Variants in CLGN observed in about 807,000 individuals in gnomAD.
The protein encoded by CLGN is calmegin.
In CLGN, 62 loss-of-function variants were observed where a neutral mutation model predicts 79.1. That is an observed-to-expected ratio of 0.78 (90% CI 0.64 to 0.97). The LOEUF is 0.97. Among genes scored for constraint, CLGN ranks in the 50% least tolerant of loss-of-function variants. CLGN has a pLI of 0.00. For missense variants in CLGN, 647 were observed against 715.5 expected, an observed-to-expected ratio of 0.90 and a Z score of 1.09; for synonymous variants, 225 against 224.7, an observed-to-expected ratio of 1.00 and a Z score of -0.01.
chr4:140,391,927 A>G (rs1728780185), intron 13 of CLGN, among the ~76,000 whole-genome samples: 2 of 151,860 alleles, frequency 1.3e-5, no homozygotes, highest in Admixed American at 1.3e-4. Context: ...CTACACTCCC[A>G]GAGCCAAGAA....
chr4:140,393,850 T>G lies in CLGN; in HGVS notation c.1341A>C (p.Lys447Asn). 1 of 1,613,674 alleles carries G rather than the reference T, an allele frequency of 6.2e-7. No individual in the cohort carries two copies. The highest frequency in any genetic ancestry group is 8.5e-7 in the Non-Finnish European group (1 of 1,179,734). ...DHWAADGWRW[K>N]IMIANANKPG... ...CCTTATTAGCATTTGCTATCATTAT[T>G]TTCCATCTCCAACCATCTGCAGCCC... Residue 447 changes from lysine to asparagine, a missense_variant, in exon 11 of 15, where the codon AAA becomes AAC. Physicochemically the swap from Lys to Asn is moderately conservative, Grantham distance 94. Transcript: ENST00000325617.
At chr4:140,389,776 T>C (rs141979771) in intron 14 of CLGN, among the ~76,000 whole-genome samples, 93 of 151,942 alleles carry the variant, frequency 6.1e-4, no homozygotes, top group African/African-American at 2.2e-3. Flanking sequence ...GCAAACAGTA[T>C]GTGTACTGAT....
intron 5 of CLGN, among the ~76,000 whole-genome samples, chr4:140,405,179 A>ATTTTTTTTTTTTTTTTT (rs1040656727): frequency 9.0e-6 from 1 of 111,314 alleles, no homozygotes; most frequent in Non-Finnish European, 1.9e-5. Context: ...TTTTATTTTT[A>ATTTTTTTTTTTTTTTTT]TTTTTTTTTT....
In CLGN at chr4:140,409,803, C is replaced by A. The variant is rs377276817; in HGVS notation, c.277+34G>T. 5 of 1,411,976 alleles carry A rather than the reference C, an allele frequency of 3.5e-6. No individual in the cohort carries two copies. The African/African-American group carries it at 7.3e-5, about 21-fold the overall frequency. 87.5% of individuals were successfully genotyped at this position (1,411,976 alleles called of 1,614,324 possible). ...AAAGTTTAGTGAACTCCAGGCCATA[C>A]TGGTTATATCTAATACTTAAATAAA... On this transcript the variant is annotated intron_variant, in intron 4 of 14. Transcript: ENST00000325617.
chr4:140,396,009 T>C (rs1324429678), intron 9 of CLGN, 40 bp from the exon 10 acceptor site: 1 of 1,607,204 alleles, frequency 6.2e-7, no homozygotes, highest in East Asian at 2.2e-5. Flanking sequence ...TAACCTCAAG[T>C]CTCAGATCAG....
chr4:140,410,479 T>G, intron 3 of CLGN, 74 bp downstream of exon 3: 1 of 1,063,402 alleles, frequency 9.4e-7, no homozygotes, highest in South Asian at 1.3e-5. Flanking sequence ...AGAGATAATT[T>G]TCATAGGCCA....
intron 2 of CLGN, among the ~76,000 whole-genome samples, chr4:140,411,318 G>GA (rs1467169830): frequency 6.6e-6 from 1 of 152,010 alleles, no homozygotes; most frequent in Non-Finnish European, 1.5e-5. Flanking sequence ...GATAATTGTA[G>GA]AACTTACATA....
intron 5 of CLGN, among the ~76,000 whole-genome samples, chr4:140,402,891 T>A (rs1729024936): frequency 6.6e-6 from 1 of 151,978 alleles, no homozygotes; most frequent in Non-Finnish European, 1.5e-5. Flanking sequence ...ATGAATTAAA[T>A]CAAAAAGACA....
chr4:140,419,191 T>C (rs1251143994), intron 1 of CLGN, among the ~76,000 whole-genome samples: 3 of 150,620 alleles, frequency 2.0e-5, no homozygotes, highest in African/African-American at 7.3e-5. Context: ...TATCACACTC[T>C]GGGGACTGTT....
intron 8 of CLGN, 80 bp downstream of exon 8, chr4:140,398,771 T>TGGGTTGTAAACTTCAC: frequency 2.5e-6 from 3 of 1,213,750 alleles, no homozygotes; most frequent in Non-Finnish European, 3.5e-6. Flanking sequence ...ATAAACTTCA[T>TGGGTTGTAAACTTCAC]GGGTTGTAAA....
At chr4:140,406,650 A>T (rs1173465337) in intron 4 of CLGN, among the ~76,000 whole-genome samples, 1 of 152,222 alleles carries the variant, frequency 6.6e-6, no homozygotes, top group Non-Finnish European at 1.5e-5. Context: ...CCAGGAAGGC[A>T]GCAAAGCACT....
chr4:140,413,257 A>G (rs1013085162), intron 1 of CLGN, among the ~76,000 whole-genome samples, 170 bp from the exon 2 acceptor site: 3 of 152,256 alleles, frequency 2.0e-5, no homozygotes, highest in Non-Finnish European at 4.4e-5. Context: ...GTGAAAATAC[A>G]AACTTCAAAT....
chr4:140,424,202 T>C (rs1729520817), intron 1 of CLGN, among the ~76,000 whole-genome samples: 1 of 152,198 alleles, frequency 6.6e-6, no homozygotes, highest in Non-Finnish European at 1.5e-5. Flanking sequence ...TAAGTTTTGG[T>C]ATCTTTTGTT....
At chr4:140,423,610 C>G (rs137972312) in intron 1 of CLGN, among the ~76,000 whole-genome samples, 3 of 152,246 alleles carry the variant, frequency 2.0e-5, no homozygotes, top group Admixed American at 2.0e-4. Context: ...GGTGTTAATT[C>G]TTTCAATGTT....
At chr4:140,400,634 T>A (rs1275937013) in intron 6 of CLGN, 85 bp from the exon 7 acceptor site, 3 of 757,790 alleles carry the variant, frequency 4.0e-6, no homozygotes, top group Non-Finnish European at 6.3e-6. Flanking sequence ...GGGTAGAGTT[T>A]ACAAAAATAT....
intron 1 of CLGN, among the ~76,000 whole-genome samples, chr4:140,425,622 C>CTTTTTTTTTTT (rs60198755): frequency 3.1e-5 from 3 of 97,192 alleles, no homozygotes; most frequent in Admixed American, 1.4e-4. Context: ...TTTGTAATTC[C>CTTTTTTTTTTT]TTTTTTTTTT....
Position 140,413,054 on chromosome 4 carries a change from A to C in CLGN, c.25T>G (p.Cys9Gly), listed in dbSNP as rs374427143. The stretch of plus-strand genomic sequence containing the variant: ...ATTGAGATGAACAGAAGACCCAAAC[A>C]TAGCCAAAAGGCTTGGAAATGCATA... MHFQAFWL[C>G]LGLLFISINA... The change falls in exon 2 of 15, where the codon TGT becomes GGT. Residue 9 changes from cysteine to glycine, a missense_variant. Coordinates refer to ENST00000325617, the MANE Select transcript of CLGN (RefSeq NM_004362.3). The C allele has an allele frequency of 1.2e-6, 2 of 1,612,346 alleles. No individual in the cohort carries two copies. The highest frequency in any genetic ancestry group is 1.7e-6 in the Non-Finnish European group (2 of 1,179,346).
In CLGN at chr4:140,401,971, T is replaced by C; in HGVS notation, c.501+14A>G. 1 of 1,403,046 alleles carries C rather than the reference T, an allele frequency of 7.1e-7. No individual in the cohort carries two copies. The highest frequency in any genetic ancestry group is 2.4e-5 in the East Asian group (1 of 42,004). 86.9% of individuals were successfully genotyped at this position (1,403,046 alleles called of 1,614,324 possible). On this transcript the variant is annotated intron_variant, in intron 6 of 14. Transcript: ENST00000325617. The stretch of plus-strand genomic sequence containing the variant: ...AACTTTAATAAGGTTTTCTTAAATA[T>C]TAAAATATCATACCAGAATCAAATC...
intron 8 of CLGN, among the ~76,000 whole-genome samples, chr4:140,396,938 T>C (rs867404450): frequency 5.6e-4 from 81 of 143,702 alleles, no homozygotes; most frequent in Middle Eastern, 3.6e-3. Context: ...TATATATATA[T>C]ACACATAGCT....
Sources: allele counts gnomAD v4.1 joint callset (sites outside exome capture counted in the v4.1 genomes callset), GRCh38; gene constraint gnomAD v4.1.1; transcripts MANE v1.5; gene names NCBI Gene and HGNC (gene_info 2026-07-23, HGNC 2026-07-21).